Variants in ATRNL1 observed in about 807,000 individuals in gnomAD.
The protein encoded by ATRNL1 is attractin like 1, also known as attractin-like protein 1.
In ATRNL1, 95 loss-of-function variants were observed where a neutral mutation model predicts 182.7. The ratio of observed to expected loss-of-function variants is 0.52; its 90% CI spans 0.44 to 0.62. The LOEUF (loss-of-function observed/expected upper bound fraction) is 0.62. ATRNL1 is among the 20% of genes least tolerant of loss of function. ATRNL1 has a pLI of 0.00. For synonymous variants in ATRNL1, 576 were observed against 568.3 expected (o/e 1.01, Z -0.19); for missense variants, 1,471 against 1,679.5 (o/e 0.88, Z 2.17).
At chr10:115,502,461 G>A (rs1054577972) in intron 24 of ATRNL1, among the ~76,000 whole-genome samples, 3 of 151,868 alleles carry the variant, frequency 2.0e-5, no homozygotes, top group Non-Finnish European at 4.4e-5. Context: ...TTAAAAAGAG[G>A]CAAAAACCCT....
At chr10:115,239,345 G>A (rs1242671029) in intron 9 of ATRNL1, among the ~76,000 whole-genome samples, 2 of 152,112 alleles carry the variant, frequency 1.3e-5, no homozygotes, top group South Asian at 2.1e-4. Flanking sequence ...CGATTCTCCT[G>A]CCTTAGCCTC....
At chr10:115,659,855 G>T (rs1386790021) in intron 26 of ATRNL1, among the ~76,000 whole-genome samples, 1 of 152,114 alleles carries the variant, frequency 6.6e-6, no homozygotes, top group African/African-American at 2.4e-5. Flanking sequence ...GGAAGACATG[G>T]CATATTTGAG....
chr10:115,698,676 G>A (rs1421557010), intron 26 of ATRNL1, among the ~76,000 whole-genome samples: 2 of 152,006 alleles, frequency 1.3e-5, no homozygotes, highest in African/African-American at 4.8e-5. Flanking sequence ...TACTCGGGAG[G>A]CTGAGGCAGG....
intron 24 of ATRNL1, among the ~76,000 whole-genome samples, chr10:115,487,591 CTT>C (rs1340355853): frequency 1.3e-5 from 2 of 152,168 alleles, no homozygotes; most frequent in African/African-American, 4.8e-5. Flanking sequence ...TATTCGGACA[CTT>C]TGCTGAAGTT....
chr10:115,257,548 A>C (rs754326723), intron 10 of ATRNL1, among the ~76,000 whole-genome samples: 12 of 152,148 alleles, frequency 7.9e-5, no homozygotes, highest in Non-Finnish European at 1.2e-4. Context: ...TGTCTCCTGA[A>C]TACAGCACAC....
intron 26 of ATRNL1, among the ~76,000 whole-genome samples, chr10:115,627,990 T>TA (rs1858216335): frequency 6.6e-6 from 1 of 151,678 alleles, no homozygotes; most frequent in Admixed American, 6.6e-5. Flanking sequence ...ACTAAAAAAA[T>TA]ACAAAAATTA....
intron 18 of ATRNL1, among the ~76,000 whole-genome samples, chr10:115,331,203 G>A (rs568568696): frequency 2.6e-5 from 4 of 152,070 alleles, no homozygotes; most frequent in Non-Finnish European, 4.4e-5. Context: ...GGGACTACAG[G>A]CGCCCGCCAC....
chr10:115,422,137 G>T (rs918032799), intron 20 of ATRNL1, among the ~76,000 whole-genome samples: 1 of 152,152 alleles, frequency 6.6e-6, no homozygotes, highest in Admixed American at 6.6e-5. Context: ...ACCTGGCAAA[G>T]ATTTCATGAC....
At chr10:115,309,120 C>T (rs558190314) in intron 17 of ATRNL1, among the ~76,000 whole-genome samples, 1 of 151,550 alleles carries the variant, frequency 6.6e-6, no homozygotes, top group Admixed American at 6.6e-5. Context: ...TCTGTGTATC[C>T]CCATTTTTCT....
chr10:115,440,569 A>ACCCTTTCCTAGTG (rs1249289840), intron 21 of ATRNL1, among the ~76,000 whole-genome samples: 2 of 151,498 alleles, frequency 1.3e-5, no homozygotes, highest in African/African-American at 4.8e-5. Context: ...TCTCATTTTC[A>ACCCTTTCCTAGTG]CCCTTTCCTA....
intron 21 of ATRNL1, among the ~76,000 whole-genome samples, chr10:115,455,669 A>G (rs1306243934): frequency 6.6e-6 from 1 of 152,186 alleles, no homozygotes; most frequent in Non-Finnish European, 1.5e-5. Flanking sequence ...TCTGCACAGC[A>G]AAAGAAACTA....
intron 26 of ATRNL1, among the ~76,000 whole-genome samples, chr10:115,586,862 GT>G (rs1555010108): frequency 8.9e-6 from 1 of 112,180 alleles, no homozygotes. Context: ...TTTCTGCTCT[GT>G]TTTTTCCGCA....
intron 26 of ATRNL1, among the ~76,000 whole-genome samples, chr10:115,701,593 A>C (rs1278515037): frequency 1.3e-5 from 2 of 152,046 alleles, no homozygotes; most frequent in Admixed American, 1.3e-4. Context: ...CCAAATAACC[A>C]AAATCAGAAA....
At position 115,944,896 on chromosome 10, in the gene ATRNL1, C is replaced by A; in HGVS notation, c.*117C>A. The A allele has an allele frequency of 3.3e-6, 4 of 1,210,422 alleles. No homozygotes were observed. Among genetic ancestry groups the A allele is most frequent in the Non-Finnish European group, 4.4e-6 (4 of 915,488 alleles). 75.0% of individuals were successfully genotyped at this position (1,210,422 alleles called of 1,614,324 possible). ...CTCTGTATCATCCAGAGCCTGAGTACAGTTTCCTTCCAAATGGACAATGAC... is the reference window on the plus strand; with the variant it reads ...CTCTGTATCATCCAGAGCCTGAGTAAAGTTTCCTTCCAAATGGACAATGAC... On this transcript the variant is annotated 3_prime_UTR_variant, in exon 29 of 29. Coordinates refer to ENST00000355044, the MANE Select transcript of ATRNL1 (RefSeq NM_207303.4).
intron 17 of ATRNL1, among the ~76,000 whole-genome samples, chr10:115,313,027 A>G (rs1458920448): frequency 6.6e-6 from 1 of 151,786 alleles, no homozygotes. Context: ...TTTTATTTAT[A>G]TCCTGAATTG....
At chr10:115,693,259 T>C (rs773901762) in intron 26 of ATRNL1, among the ~76,000 whole-genome samples, 3 of 152,120 alleles carry the variant, frequency 2.0e-5, no homozygotes, top group Non-Finnish European at 4.4e-5. Flanking sequence ...TAATATCCTA[T>C]TATGGGCAGA....
At chr10:115,443,705 T>A (rs1554966143) in intron 21 of ATRNL1, among the ~76,000 whole-genome samples, 1 of 152,076 alleles carries the variant, frequency 6.6e-6, no homozygotes, top group African/African-American at 2.4e-5. Context: ...TACGCATGTT[T>A]CTTTGGACAT....
In ATRNL1 at chr10:115,093,978, C is replaced by G; in HGVS notation, c.228C>G (p.Asn76Lys). ...TGSCFSGRCVNSTCLCDPGWV... is the reference protein window; with the variant it reads ...TGSCFSGRCVKSTCLCDPGWV... ...CCTGCTTCTCGGGCCGCTGTGTCAA[C>G]TCCACCTGCCTCTGCGACCCGGGCT... The change falls in exon 1 of 29, where the codon AAC becomes AAG. Residue 76 changes from asparagine to lysine, a missense_variant. By Grantham distance (94) the Asn-to-Lys change is moderately conservative. Transcript: ENST00000355044. The surrounding 1 kb of genome is among the most constrained non-coding windows in gnomAD (Gnocchi z 6.1). 1.3e-6 allele frequency: 2 copies of G among 1,584,510 alleles called. No homozygotes were observed. Among genetic ancestry groups the G allele is most frequent in the Non-Finnish European group, 1.7e-6 (2 of 1,167,354 alleles).
At chr10:115,148,571 A>T (rs571696753) in intron 5 of ATRNL1, among the ~76,000 whole-genome samples, 1 of 152,208 alleles carries the variant, frequency 6.6e-6, no homozygotes, top group South Asian at 2.1e-4. Context: ...AAGTGGCATC[A>T]TTTGGGGAAA....
Sources: allele counts gnomAD v4.1 joint callset (sites outside exome capture counted in the v4.1 genomes callset), GRCh38; gene constraint gnomAD v4.1.1; non-coding constraint Gnocchi (gnomAD v3.1); transcripts MANE v1.5; gene names NCBI Gene and HGNC (gene_info 2026-07-23, HGNC 2026-07-21).